The following INTS8 variants were observed in gnomAD, a reference collection of about 807,000 sequenced individuals.
INTS8 encodes the protein protein kaonashi-1.
In INTS8, 47 loss-of-function variants were observed where a neutral mutation model predicts 138.9. The ratio of observed to expected loss-of-function variants is 0.34; its 90% CI spans 0.27 to 0.43. The LOEUF (loss-of-function observed/expected upper bound fraction) is 0.43. Among genes scored for constraint, INTS8 ranks in the 20% least tolerant of loss-of-function variants. The pLI is 1.00. For missense variants in INTS8, 996 were observed against 1,173.0 expected, an observed-to-expected ratio of 0.85 and a Z score of 2.20; for synonymous variants, 392 against 400.9, an observed-to-expected ratio of 0.98 and a Z score of 0.27.
intron 1 of INTS8, 134 bp downstream of exon 1, chr8:94,823,695 G>C (rs1814368404): frequency 7.3e-6 from 5 of 681,596 alleles, no homozygotes; most frequent in Non-Finnish European, 4.7e-6. Flanking sequence ...AGCTCCGGCC[G>C]GGCTCCTCGC....
chr8:94,866,465 TG>T, intron 18 of INTS8: 1 of 370,362 alleles, frequency 2.7e-6, no homozygotes, highest in South Asian at 2.6e-5. Flanking sequence ...GCTAATTTTT[TG>T]TAGAGATGAG....
intron 20 of INTS8, chr8:94,867,612 C>T: frequency 3.9e-6 from 1 of 259,480 alleles, no homozygotes; most frequent in Non-Finnish European, 7.1e-6. Context: ...CAATCTCTGC[C>T]TCTTGGGCTC....
rs1400455331 is a variant in INTS8, at chr8:94,881,157, A to C, written c.*923A>C. The C allele has an allele frequency of 1.3e-5, 5 of 392,300 alleles. No homozygotes were observed. Among genetic ancestry groups the C allele is most frequent in the Non-Finnish European group, 2.2e-5 (5 of 222,402 alleles). The allele number at this position is 392,300 out of a possible 1,614,324, so 24.3% of individuals were successfully genotyped here. A position where few individuals can be genotyped will look rare whatever the true frequency, so the allele number is the denominator to read the frequency against. On this transcript the variant is annotated 3_prime_UTR_variant, in exon 27 of 27. Coordinates refer to ENST00000523731, the MANE Select transcript of INTS8 (RefSeq NM_017864.4). ...TTACAAAACTAAACCTTTGTAAACA[A>C]GTTTAAATTTAATTTTCAAGAACCA...
intron 6 of INTS8, among the ~76,000 whole-genome samples, chr8:94,834,024 G>A (rs1814825547): frequency 6.6e-6 from 1 of 152,052 alleles, no homozygotes. Context: ...TGCCCGCCTC[G>A]GCCTCCCAAA....
Position 94,829,008 on chromosome 8 carries a change from A to G in INTS8, c.552A>G (p.Thr184=), listed in dbSNP as rs1814613590. Reference sequence around the variant, plus strand: ...AAATGCAACAGGAAAAAGAGCTAACAGAAAACATTTTGAAAGTGGTAAGTA... The same window carrying G: ...AAATGCAACAGGAAAAAGAGCTAACGGAAAACATTTTGAAAGTGGTAAGTA... ...MNQMQQEKEL[T]ENILKVLKEQ... is the part of the protein sequence containing the mutation. The change falls in exon 5 of 27, where the codon ACA becomes ACG. Residue 184 remains threonine (T), a synonymous_variant. Transcript: ENST00000523731. 6.2e-7 allele frequency: 1 copy of G among 1,600,166 alleles called. No individual in the cohort carries two copies. The highest frequency in any genetic ancestry group is 8.5e-7 in the Non-Finnish European group (1 of 1,172,934).
At chr8:94,853,962 G>A (rs375829452) in intron 14 of INTS8, 47 bp downstream of exon 14, 7 of 1,174,240 alleles carry the variant, frequency 6.0e-6, no homozygotes, top group Non-Finnish European at 7.7e-6. Flanking sequence ...ATGCTTTATG[G>A]TCAGGTGCCG....
chr8:94,859,544 G>T lies in INTS8; in HGVS notation c.1988G>T (p.Cys663Phe), dbSNP rs143136353. The T allele has an allele frequency of 6.2e-7, 1 of 1,613,380 alleles. No individual in the cohort carries two copies. The highest frequency in any genetic ancestry group is 1.1e-5 in the South Asian group (1 of 91,068). ...IPLRQVIAEE[C>F]VAFMLNWREN... ...CTTCGTCAAGTTATAGCTGAGGAAT[G>T]TGTTGCCTTTATGTTAAACTGGAGA... Residue 663 changes from cysteine (C) to phenylalanine (F), a missense_variant, in exon 16 of 27, where the codon TGT (cysteine) becomes TTT (phenylalanine). Transcript: ENST00000523731.
rs1225373940 is a variant in INTS8, at chr8:94,852,191, C to T, written c.1641+505C>T. Among the ~76,000 whole-genome samples, 3 of 152,328 alleles carry T rather than the reference C, an allele frequency of 2.0e-5. No homozygotes were observed. The East Asian group carries it at 5.8e-4, about 29-fold the overall frequency. ...CTCCTGACCACCAGTGATCTACCCGCCTCTGCCTCCCCAAGTGTTGGGATT... is the reference window on the plus strand; with the variant it reads ...CTCCTGACCACCAGTGATCTACCCGTCTCTGCCTCCCCAAGTGTTGGGATT... On this transcript the variant is annotated intron_variant, in intron 13 of 26. Coordinates refer to ENST00000523731, the MANE Select transcript of INTS8 (RefSeq NM_017864.4).
intron 4 of INTS8, among the ~76,000 whole-genome samples, chr8:94,828,627 G>C (rs1277526992): frequency 6.6e-6 from 1 of 152,050 alleles, no homozygotes; most frequent in Non-Finnish European, 1.5e-5. Flanking sequence ...CTCTTCAGTT[G>C]AGTAAATGAG....
At chr8:94,861,362 CGCCATTCTCCTGCCTCA>C (rs1204538589) in intron 16 of INTS8, among the ~76,000 whole-genome samples, 197 of 145,064 alleles carry the variant, frequency 1.4e-3, no homozygotes, top group African/African-American at 4.8e-3. Flanking sequence ...CCCGGGTTCA[CGCCATTCTCCTGCCTCA>C]GCCTCCCGAG....
intron 15 of INTS8, among the ~76,000 whole-genome samples, chr8:94,858,736 C>A (rs1815844196): frequency 6.6e-6 from 1 of 152,186 alleles, no homozygotes; most frequent in African/African-American, 2.4e-5. Context: ...AGAACTATGA[C>A]TGTACTCCAG....
At chr8:94,878,763 CT>C (rs1173502497) in intron 26 of INTS8, among the ~76,000 whole-genome samples, 1 of 152,206 alleles carries the variant, frequency 6.6e-6, no homozygotes, top group African/African-American at 2.4e-5. Context: ...TTACTTTTCT[CT>C]CAAGAGCCAC....
chr8:94,858,919 T>G (rs1815850831), intron 15 of INTS8, among the ~76,000 whole-genome samples: 1 of 152,216 alleles, frequency 6.6e-6, no homozygotes, highest in Non-Finnish European at 1.5e-5. Context: ...AACTCCTAAC[T>G]TATTAAATGT....
chr8:94,829,561 T>C (rs1302543079), intron 5 of INTS8, among the ~76,000 whole-genome samples: 1 of 152,194 alleles, frequency 6.6e-6, no homozygotes, highest in Non-Finnish European at 1.5e-5. Flanking sequence ...CTGTGCAGCC[T>C]GGTTCCTGGT....
chr8:94,860,579 CAAAAAAAAAAAA>C (rs58945163), intron 16 of INTS8, among the ~76,000 whole-genome samples: 31 of 39,462 alleles, frequency 7.9e-4, no homozygotes, highest in African/African-American at 2.9e-3. Context: ...AACTCTACCT[CAAAAAAAAAAAA>C]AAAAAAAAAA....
intron 4 of INTS8, 62 bp downstream of exon 4, chr8:94,827,855 C>A: frequency 7.6e-7 from 1 of 1,319,520 alleles, no homozygotes; most frequent in Non-Finnish European, 1.1e-6. Context: ...AAAATGTTTG[C>A]AAGTTTTTAA....
At chr8:94,829,512 A>G (rs764447016) in intron 5 of INTS8, among the ~76,000 whole-genome samples, 24 of 152,178 alleles carry the variant, frequency 1.6e-4, no homozygotes, top group Non-Finnish European at 2.2e-4. Flanking sequence ...CTGTAAATAC[A>G]GATGAAGCTT....
intron 4 of INTS8, among the ~76,000 whole-genome samples, chr8:94,828,331 G>A (rs1029895925): frequency 2.2e-4 from 33 of 152,254 alleles, no homozygotes; most frequent in East Asian, 5.8e-4. Context: ...GTGAGCCACG[G>A]CACCCAGCCT....
chr8:94,867,218 T>TTAGAA, intron 19 of INTS8, 22 bp downstream of exon 19: 1 of 1,601,088 alleles, frequency 6.2e-7, no homozygotes, highest in Non-Finnish European at 8.5e-7. Flanking sequence ...ATAATTTCAT[T>TTAGAA]TAGAAAAATT....
Sources: gnomAD v4.1 joint callset for allele counts (sites outside exome capture counted in the v4.1 genomes callset) on GRCh38, gnomAD v4.1.1 for gene constraint, MANE v1.5 for transcripts, NCBI Gene and HGNC (gene_info 2026-07-23, HGNC 2026-07-21) for gene names.